The following PTBP3 variants were observed in gnomAD, a reference collection of about 807,000 sequenced individuals.
The protein encoded by PTBP3 is polypyrimidine tract binding protein 3.
A neutral mutation model predicts 58.7 loss-of-function variants in PTBP3; 20 were observed. That is an observed-to-expected ratio of 0.34 (90% confidence interval 0.24 to 0.50). PTBP3 has a LOEUF of 0.50. PTBP3 is among the 20% of genes least tolerant of loss of function. PTBP3 has a pLI of 0.98. For synonymous variants in PTBP3, 185 were observed against 219.8 expected (o/e 0.84, Z 1.40); for missense variants, 509 against 637.2 (o/e 0.80, Z 2.17).
the PTBP3 span, among the ~76,000 whole-genome samples, chr9:112,368,506 G>A: frequency 5.1e-5 from 7 of 138,372 alleles, no homozygotes; most frequent in Non-Finnish European, 7.7e-5. Context: ...ACTGTGAAAG[G>A]AATTCTTTAT....
rs142506277 is a variant in PTBP3 at position 112,252,321 on chromosome 9, G to A, written c.627+357C>T. The A allele has an allele frequency of 9.2e-3, 2,357 of 255,132 alleles. 62 individuals are homozygous for A. Among genetic ancestry groups the A allele is most frequent in the Admixed American group, 0.045 (838 of 18,752 alleles). 15.8% of individuals were successfully genotyped at this position (255,132 alleles called of 1,614,324 possible). ...CTGATCTCAGAAGTTAAGCAGGGTC[G>A]GGCCTGGTTAGTACTTGGATGGGAG... On this transcript the variant is annotated intron_variant, in intron 6 of 13. Coordinates refer to ENST00000374257, the MANE Select transcript of PTBP3 (RefSeq NM_001163788.4).
chr9:112,262,526 T>C lies in PTBP3; in HGVS notation c.425A>G (p.Asn142Ser), dbSNP rs771097183. Reference protein sequence around the residue: ...GSLALSGGPSNEGTVLPGQSP... With the variant: ...GSLALSGGPSSEGTVLPGQSP... ...CTGCCCAGGTAGGACTGTGCCTTCA[T>C]TGGAAGGACCTCCAGAAAGGGCCAG... The change falls in exon 5 of 14, where the codon AAT becomes AGT. Residue 142 changes from asparagine (N) to serine (S), a missense_variant. Around this residue, in one of 4 missense-constraint regions of PTBP3, gnomAD observed 212 missense variants for 215.3 expected, o/e 0.98. Transcript: ENST00000374257. 4.6e-5 allele frequency: 74 copies of C among 1,611,762 alleles called. No individual in the cohort carries two copies. Among genetic ancestry groups the C allele is most frequent in the East Asian group, 2.5e-4 (11 of 44,720 alleles).
chr9:112,325,689 A>C (rs1830128669), intron 1 of PTBP3, among the ~76,000 whole-genome samples: 1 of 152,030 alleles, frequency 6.6e-6, no homozygotes, highest in African/African-American at 2.4e-5. Flanking sequence ...GACATCAAAG[A>C]GCTTTTATGC....
At chr9:112,263,741 T>C (rs572202167) in intron 4 of PTBP3, among the ~76,000 whole-genome samples, 1 of 152,340 alleles carries the variant, frequency 6.6e-6, no homozygotes. Context: ...TATGTATCAA[T>C]GATAACTTGC....
intron 2 of PTBP3, among the ~76,000 whole-genome samples, chr9:112,290,711 C>CACAT (rs1197319654): frequency 2.8e-5 from 4 of 141,004 alleles, no homozygotes; most frequent in Non-Finnish European, 6.2e-5. Flanking sequence ...TATATATACA[C>CACAT]ACACACACAC....
chr9:112,330,339 A>T, intron 1 of PTBP3: 1 of 863,710 alleles, frequency 1.2e-6, no homozygotes, highest in Non-Finnish European at 1.8e-6. Context: ...TAAAAATTAA[A>T]GACTTTTACA....
intron 1 of PTBP3, among the ~76,000 whole-genome samples, chr9:112,326,666 A>C (rs2132471245): frequency 6.6e-6 from 1 of 152,374 alleles, no homozygotes; most frequent in South Asian, 2.1e-4. Flanking sequence ...TTGATATGTA[A>C]GACTGTCATT....
intron 2 of PTBP3, among the ~76,000 whole-genome samples, chr9:112,280,011 T>C (rs775333828): frequency 3.9e-5 from 6 of 152,188 alleles, no homozygotes; most frequent in African/African-American, 9.6e-5. Context: ...CTAAATTCTT[T>C]AGTATTTCTA....
intron 1 of PTBP3, among the ~76,000 whole-genome samples, chr9:112,308,239 C>T (rs148068179): frequency 0.01 from 1,575 of 151,870 alleles, 21 homozygotes; most frequent in African/African-American, 0.032. Context: ...GTTGTCCAGG[C>T]TGGTCTCAAA....
chr9:112,371,402 G>T, the PTBP3 span, among the ~76,000 whole-genome samples: 5 of 152,188 alleles, frequency 3.3e-5, no homozygotes, highest in Admixed American at 3.3e-4. Context: ...CCTACTAATT[G>T]CACTTGGATT....
intron 1 of PTBP3, among the ~76,000 whole-genome samples, chr9:112,306,137 A>G (rs76716067): frequency 0.037 from 5,581 of 152,184 alleles, 199 homozygotes; most frequent in African/African-American, 0.098. Flanking sequence ...TTAAATAAAT[A>G]TAACAAAATT....
chr9:112,259,657 C>A (rs1462312531), intron 5 of PTBP3, among the ~76,000 whole-genome samples: 1 of 152,136 alleles, frequency 6.6e-6, no homozygotes. Flanking sequence ...ACTCTCAATT[C>A]CCTTACCATG....
intron 3 of PTBP3, among the ~76,000 whole-genome samples, chr9:112,272,068 TTTTA>T (rs1827408396): frequency 6.6e-6 from 1 of 150,438 alleles, no homozygotes; most frequent in South Asian, 2.1e-4. Context: ...ATCTCACTCT[TTTTA>T]TTTTTTATTT....
intron 3 of PTBP3, among the ~76,000 whole-genome samples, chr9:112,275,183 T>C (rs1052473365): frequency 1.3e-5 from 2 of 151,920 alleles, no homozygotes; most frequent in Admixed American, 1.3e-4. Context: ...TTGCATAGGC[T>C]GGAGTGCAAT....
At position 112,287,107 on chromosome 9, in the gene PTBP3, A is replaced by C. The variant is rs1427147817; in HGVS notation, c.34+10725T>G. Among the ~76,000 whole-genome samples the C allele has an allele frequency of 2.0e-5, 3 of 152,136 alleles. No individual in the cohort carries two copies. In the East Asian group the frequency reaches 5.8e-4, roughly 29 times the overall value. ...TGGTTTTCAGCAATTTAATTATGAT[A>C]AGCCTGGGTGTGGTTTCCGTTGTGT... is the stretch of plus-strand genomic sequence containing the variant. On this transcript the variant is annotated intron_variant, in intron 2 of 13. Transcript: ENST00000374257.
the PTBP3 span, among the ~76,000 whole-genome samples, chr9:112,367,053 T>C: frequency 2.6e-5 from 4 of 152,236 alleles, no homozygotes; most frequent in Non-Finnish European, 4.4e-5. Context: ...GAGCCTAACA[T>C]AAAATATCTT....
intron 2 of PTBP3, among the ~76,000 whole-genome samples, chr9:112,281,636 T>C (rs1827872417): frequency 6.6e-6 from 1 of 152,324 alleles, no homozygotes; most frequent in Middle Eastern, 3.4e-3. Context: ...TGGTATTATT[T>C]ATTCCTTATA....
In PTBP3 at chr9:112,220,526, A is replaced by C; in HGVS notation, c.*3325T>G. ...AAGGGAACAGGCAGGCATAAATGATATCTCCAAAAACTGAGCTCAGCAACT... is the reference window on the plus strand; with the variant it reads ...AAGGGAACAGGCAGGCATAAATGATCTCTCCAAAAACTGAGCTCAGCAACT... On this transcript the variant is annotated 3_prime_UTR_variant, in exon 14 of 14. Transcript: ENST00000374257. 1 of 1,025,514 alleles carries C rather than the reference A, an allele frequency of 9.8e-7. No homozygotes were observed. Among genetic ancestry groups the C allele is most frequent in the African/African-American group, 1.7e-5 (1 of 58,016 alleles). 63.5% of individuals were successfully genotyped at this position (1,025,514 alleles called of 1,614,324 possible). A position where few individuals can be genotyped will look rare whatever the true frequency, so the allele number is the denominator to read the frequency against.
intron 1 of PTBP3, among the ~76,000 whole-genome samples, chr9:112,317,578 A>G (rs1421707481): frequency 6.6e-6 from 1 of 152,358 alleles, no homozygotes; most frequent in South Asian, 2.1e-4. Flanking sequence ...CAGGAAAAAA[A>G]GAAAATATCA....
Sources: allele counts gnomAD v4.1 joint callset (sites outside exome capture counted in the v4.1 genomes callset), GRCh38; gene constraint gnomAD v4.1.1; regional missense constraint gnomAD v4.1.1; transcripts MANE v1.5; gene names NCBI Gene and HGNC (gene_info 2026-07-23, HGNC 2026-07-21).